CLN3: variants seen among roughly 807,000 people sequenced by gnomAD.
CLN3 encodes the protein battenin.
CLN3 carries 49 observed loss-of-function variants against 60.7 expected under a neutral mutation model. The ratio of observed to expected loss-of-function variants is 0.81; its 90% confidence interval spans 0.64 to 1.02. The LOEUF is 1.02. CLN3 is among the 50% of genes least tolerant of loss of function. The pLI is 0.00. For synonymous variants in CLN3, 256 were observed against 245.8 expected, an observed-to-expected ratio of 1.04 and a Z score of -0.39; for missense variants, 516 against 557.4, an observed-to-expected ratio of 0.93 and a Z score of 0.75.
chr16:28,483,890 T>G, intron 10 of CLN3, 116 bp downstream of exon 10: 1 of 751,060 alleles, frequency 1.3e-6, no homozygotes, highest in Non-Finnish European at 2.3e-6. Context: ...ACAAAGGCTT[T>G]TCCCATAACC....
chr16:28,484,003 T>C lies in CLN3; in HGVS notation c.790+3A>G. ...GACCTCTCTGAGGGTCTGTGTCTCCTACCTGGCTTCGACTCCGGGGCCTCG... is the reference window on the plus strand; with the variant it reads ...GACCTCTCTGAGGGTCTGTGTCTCCCACCTGGCTTCGACTCCGGGGCCTCG... On this transcript the variant is annotated splice_donor_region_variant and intron_variant, in intron 10 of 15. Transcript: ENST00000636147. The C allele has an allele frequency of 6.2e-7, 1 of 1,602,734 alleles. No homozygotes were observed. The highest frequency in any genetic ancestry group is 8.5e-7 in the Non-Finnish European group (1 of 1,174,048).
In CLN3 at chr16:28,486,200, G is replaced by C. The variant is rs56695328; in HGVS notation, c.677+147C>G. 4.0e-3 allele frequency: 3,981 copies of C among 990,598 alleles called. 78 individuals carry two copies. In the African/African-American group the frequency reaches 0.048, roughly 12 times the overall value. The allele number at this position is 990,598 out of a possible 1,614,324, so 61.4% of individuals were successfully genotyped here. A position where few individuals can be genotyped will look rare whatever the true frequency, so the allele number is the denominator to read the frequency against. ...TTTAGTAGAGACGGGGTTTCACCAT[G>C]TTGGCCAGGCTGGTTTCCTGACCTT... On this transcript the variant is annotated intron_variant, in intron 9 of 15. Transcript: ENST00000636147.
At chr16:28,489,913 T>C (rs1371410379) in intron 3 of CLN3, among the ~76,000 whole-genome samples, 2 of 151,710 alleles carry the variant, frequency 1.3e-5, no homozygotes. Context: ...CAAAATTAGC[T>C]GGGCGAAGTT....
At chr16:28,487,004 A>G (rs2046231744) in intron 7 of CLN3, 4 of 367,920 alleles carry the variant, frequency 1.1e-5, no homozygotes, top group South Asian at 9.6e-5. Context: ...TCTGCCTCCC[A>G]GGTTCAAGAG....
At chr16:28,468,785 T>G in the CLN3 span, among the ~76,000 whole-genome samples, 2 of 99,236 alleles carry the variant, frequency 2.0e-5, no homozygotes, top group African/African-American at 3.3e-5. Flanking sequence ...TCAGCCTGGG[T>G]GACAGAGTGA....
chr16:28,491,826 G>T lies in CLN3; in HGVS notation c.-67C>A. 1 of 1,586,138 alleles carries T rather than the reference G, an allele frequency of 6.3e-7. No individual in the cohort carries two copies. The highest frequency in any genetic ancestry group is 8.6e-7 in the Non-Finnish European group (1 of 1,163,712). On this transcript the variant is annotated 5_prime_UTR_variant, in exon 2 of 16. Coordinates refer to ENST00000636147, the MANE Select transcript of CLN3 (RefSeq NM_001042432.2). Reference sequence around the variant, plus strand: ...TGTCCAAAGGGGGCTCCCACGGGAGGGATGAGGGTCTGCGACAGGTGACAA... The same window carrying T: ...TGTCCAAAGGGGGCTCCCACGGGAGTGATGAGGGTCTGCGACAGGTGACAA...
At chr16:28,487,932 C>T (rs535899192) in intron 5 of CLN3, 191 bp from the exon 6 acceptor site, 182 of 602,990 alleles carry the variant, frequency 3.0e-4, no homozygotes, top group Non-Finnish European at 2.4e-5. Flanking sequence ...ACTCTCTGAG[C>T]TTCAGTTTCC....
At chr16:28,473,792 G>C (rs527255249), downstream of CLN3, among the ~76,000 whole-genome samples, 1 of 152,260 alleles carries the variant, frequency 6.6e-6, no homozygotes. Flanking sequence ...AATGGGCAAA[G>C]GATCTGAGAA....
intron 9 of CLN3, chr16:28,484,357 A>G: frequency 2.0e-6 from 1 of 511,618 alleles, no homozygotes. Context: ...TTTTGTTTTG[A>G]TTTTTTTCAG....
In CLN3 at chr16:28,477,440, CTG is replaced by C. The variant is rs2046010698; in HGVS notation, c.*74_*75del. On this transcript the variant is annotated 3_prime_UTR_variant, in exon 16 of 16. Transcript: ENST00000636147. ...TGGGAGCACAGTTCATGGAGGGTCT[CTG>C]GGGTGGGCCTGGGTGTCTGACCTGT... 6.3e-7 allele frequency: 1 copy of C among 1,598,428 alleles called. No individual in the cohort carries two copies. Among genetic ancestry groups the C allele is most frequent in the Admixed American group, 1.7e-5 (1 of 59,952 alleles).
At chr16:28,489,496 T>C (rs879767289) in intron 3 of CLN3, 110 bp from the exon 4 acceptor site, 4 of 776,928 alleles carry the variant, frequency 5.1e-6, no homozygotes, top group African/African-American at 3.4e-5. Context: ...CTCTTTTTTT[T>C]CCCTCTATCA....
At position 28,487,536 on chromosome 16, in the gene CLN3, CG is replaced by C. The variant is rs386833717; in HGVS notation, c.379del (p.Arg127GlyfsTer54). ...AGCACAAATCCCACTGACGAGAACC[CG>C]GGGGCTGAGGGGGTGAGAAGGGAAG... ...LGLHLLPYSP[R>X]VLVSGICAAG... On this transcript the variant is annotated frameshift_variant, in exon 7 of 16. Coordinates refer to ENST00000636147, the MANE Select transcript of CLN3 (RefSeq NM_001042432.2). LOFTEE classifies it high-confidence loss of function. The C allele has an allele frequency of 6.2e-7, 1 of 1,613,666 alleles. No homozygotes were observed. Among genetic ancestry groups the C allele is most frequent in the East Asian group, 2.2e-5 (1 of 44,868 alleles).
intron 7 of CLN3, 175 bp downstream of exon 7, chr16:28,487,281 T>C (rs1187412439): frequency 1.5e-6 from 1 of 684,818 alleles, no homozygotes; most frequent in African/African-American, 1.8e-5. Flanking sequence ...TCTCCTCCAC[T>C]GCCTACCCCT....
At chr16:28,468,761 C>T in the CLN3 span, among the ~76,000 whole-genome samples, 2 of 115,280 alleles carry the variant, frequency 1.7e-5, no homozygotes, top group Non-Finnish European at 3.9e-5. Context: ...GAGCCGAGAT[C>T]GCACCACTGC....
At chr16:28,477,936 G>A in intron 14 of CLN3, 59 bp from the exon 15 acceptor site, 1 of 1,591,318 alleles carries the variant, frequency 6.3e-7, no homozygotes, top group Non-Finnish European at 8.6e-7. Flanking sequence ...AGGAGAGGTG[G>A]CCTCCCCTCC....
intron 4 of CLN3, 40 bp from the exon 5 acceptor site, chr16:28,488,702 G>A (rs762464747): frequency 6.3e-7 from 1 of 1,594,426 alleles, no homozygotes; most frequent in Non-Finnish European, 8.6e-7. Context: ...TGGAGGCAGA[G>A]GGATAGACAC....
At chr16:28,482,032 A>T in intron 14 of CLN3, 73 bp downstream of exon 14, 1 of 1,065,696 alleles carries the variant, frequency 9.4e-7, no homozygotes, top group Non-Finnish European at 1.4e-6. Flanking sequence ...AGTGGGAAGC[A>T]GGGGGTTTGG....
intron 9 of CLN3, among the ~76,000 whole-genome samples, chr16:28,485,246 G>A (rs190359600): frequency 6.8e-6 from 1 of 148,122 alleles, no homozygotes; most frequent in East Asian, 2.2e-4. Context: ...CCCGGCCAAA[G>A]TGTTTTGTAA....
chr16:28,486,263 A>AT (rs2046215035), intron 9 of CLN3, 84 bp downstream of exon 9: 2 of 1,574,442 alleles, frequency 1.3e-6, no homozygotes, highest in Admixed American at 3.3e-5. Context: ...AAGTGCTGGG[A>AT]TTACAGGCGT....
Sources: allele counts gnomAD v4.1 joint callset (sites outside exome capture counted in the v4.1 genomes callset), GRCh38; gene constraint gnomAD v4.1.1; transcripts MANE v1.5; gene names NCBI Gene and HGNC (gene_info 2026-07-23, HGNC 2026-07-21).